FNDC3B: variants seen among roughly 807,000 people sequenced by gnomAD.
FNDC3B encodes fibronectin type III domain containing 3B, also known as fibronectin type III domain-containing protein 3B.
Under a neutral mutation model 151.5 loss-of-function variants are expected in FNDC3B, and 12 were observed. That is an observed-to-expected ratio of 0.08 (90% confidence interval 0.05 to 0.13). The LOEUF is 0.13. Ranked by LOEUF, FNDC3B falls within the 10% of genes least tolerant of loss-of-function variation. FNDC3B has a pLI of 1.00. For synonymous variants in FNDC3B, 528 were observed against 549.0 expected (o/e 0.96, Z 0.54); for missense variants, 1,214 against 1,505.3 (o/e 0.81, Z 3.20).
chr3:172,399,787 T>C lies in FNDC3B; in HGVS notation c.*2312T>C, dbSNP rs1736483204. ...TTGGGGGGTTGGGGAAGTCTCTTTT[T>C]TGAAACACTTCAGAACTGCTGCTAT... On this transcript the variant is annotated 3_prime_UTR_variant, in exon 26 of 26. Transcript: ENST00000415807. 2 of 152,648 alleles carry C rather than the reference T, an allele frequency of 1.3e-5. No homozygotes were observed. The highest frequency in any genetic ancestry group is 1.3e-4 in the Admixed American group (2 of 15,282). 9.5% of individuals were successfully genotyped at this position (152,648 alleles called of 1,614,324 possible).
chr3:172,271,955 T>C (rs2108804630), intron 6 of FNDC3B, among the ~76,000 whole-genome samples: 1 of 152,338 alleles, frequency 6.6e-6, no homozygotes, highest in Non-Finnish European at 1.5e-5. Context: ...TAAGATATGG[T>C]CTTGTTCTGG....
At chr3:172,185,650 G>A (rs1308098292) in intron 3 of FNDC3B, among the ~76,000 whole-genome samples, 2 of 152,212 alleles carry the variant, frequency 1.3e-5, no homozygotes, top group African/African-American at 4.8e-5. Context: ...TTTGCAATAT[G>A]TCATGATACC....
chr3:172,174,942 C>CCCCCCCCCCCA (rs1553769237), intron 3 of FNDC3B, among the ~76,000 whole-genome samples: 6 of 66,384 alleles, frequency 9.0e-5, no homozygotes, highest in Non-Finnish European at 1.6e-4. Context: ...CACCCCCCCC[C>CCCCCCCCCCCA]CCCCAATACA....
intron 7 of FNDC3B, among the ~76,000 whole-genome samples, chr3:172,289,550 C>T (rs976164677): frequency 2.0e-5 from 3 of 152,240 alleles, no homozygotes; most frequent in African/African-American, 7.2e-5. Context: ...GTTGTTTATG[C>T]AGTTTCTGTC....
In FNDC3B at chr3:172,277,511, C is replaced by A. The variant is rs544666187; in HGVS notation, c.791-8415C>A. On this transcript the variant is annotated intron_variant, in intron 6 of 25. Coordinates refer to ENST00000415807, the MANE Select transcript of FNDC3B (RefSeq NM_022763.4). ...TCATGACCTCATCTCATTCTAATTA[C>A]CTTCTAATGCCATCACTTTAGCGCG... is the stretch of plus-strand genomic sequence containing the variant. Among the ~76,000 whole-genome samples, 4 of 152,274 alleles carry A rather than the reference C, an allele frequency of 2.6e-5. No homozygotes were observed. The South Asian group carries it at 8.3e-4, about 32-fold the overall frequency.
chr3:172,120,572 G>C (rs1306016117), intron 2 of FNDC3B, among the ~76,000 whole-genome samples: 21 of 151,894 alleles, frequency 1.4e-4, no homozygotes, highest in Admixed American at 1.2e-3. Context: ...AGGCATGGGG[G>C]GGGGTGTGTG....
chr3:172,264,467 G>A (rs1272015866), intron 6 of FNDC3B, among the ~76,000 whole-genome samples: 1 of 152,054 alleles, frequency 6.6e-6, no homozygotes, highest in African/African-American at 2.4e-5. Flanking sequence ...CCAGAAATTA[G>A]GATTCTCATT....
In FNDC3B at chr3:172,389,636, C is replaced by T. The variant is rs907557417; in HGVS notation, c.3304-7528C>T. On this transcript the variant is annotated intron_variant, in intron 25 of 25. Coordinates refer to ENST00000415807, the MANE Select transcript of FNDC3B (RefSeq NM_022763.4). ...ATCCCAGCACTTTGGGAGCCTGAGG[C>T]GGGTGGATCACAAGGTCAAGAGATT... Among the ~76,000 whole-genome samples, 8 of 152,138 alleles carry T rather than the reference C, an allele frequency of 5.3e-5. No homozygotes were observed. The East Asian group carries it at 1.4e-3, about 26-fold the overall frequency.
intron 1 of FNDC3B, among the ~76,000 whole-genome samples, chr3:172,050,182 T>C (rs1357608833): frequency 6.6e-6 from 1 of 151,980 alleles, no homozygotes; most frequent in Non-Finnish European, 1.5e-5. Context: ...AGCCTAAACG[T>C]CGGATGAAAA....
chr3:172,109,404 G>A (rs1247245351), intron 1 of FNDC3B, among the ~76,000 whole-genome samples: 1 of 151,722 alleles, frequency 6.6e-6, no homozygotes, highest in Non-Finnish European at 1.5e-5. Flanking sequence ...CTGACCTCGT[G>A]ATCCGCCCGC....
chr3:172,354,889 C>G (rs73035166), intron 22 of FNDC3B, among the ~76,000 whole-genome samples: 5,948 of 147,404 alleles, frequency 0.04, 411 homozygotes, highest in African/African-American at 0.14. Flanking sequence ...TTTTTTTAAG[C>G]CTTCAGCAGT....
chr3:172,380,841 T>C, intron 24 of FNDC3B, 125 bp from the exon 25 acceptor site: 3 of 1,069,850 alleles, frequency 2.8e-6, no homozygotes, highest in East Asian at 2.5e-5. Flanking sequence ...GCAAATCAGC[T>C]CCTCTCTCAG....
chr3:172,334,766 C>T (rs1027678324), intron 14 of FNDC3B, among the ~76,000 whole-genome samples, 178 bp from the exon 15 acceptor site: 2 of 151,664 alleles, frequency 1.3e-5, no homozygotes, highest in Non-Finnish European at 2.9e-5. Context: ...TGTTAATAAC[C>T]AACTATACAG....
intron 2 of FNDC3B, among the ~76,000 whole-genome samples, chr3:172,129,054 G>A (rs989608200): frequency 6.6e-6 from 1 of 152,058 alleles, no homozygotes; most frequent in South Asian, 2.1e-4. Context: ...CTACAGCCTC[G>A]ACCTCCTGGG....
At chr3:172,291,190 A>G (rs976702464) in intron 7 of FNDC3B, among the ~76,000 whole-genome samples, 1 of 152,248 alleles carries the variant, frequency 6.6e-6, no homozygotes, top group African/African-American at 2.4e-5. Context: ...TAGCTACAGG[A>G]CAATGCGGTT....
chr3:172,177,162 GA>G (rs2108645635), intron 3 of FNDC3B, among the ~76,000 whole-genome samples: 1 of 137,156 alleles, frequency 7.3e-6, no homozygotes, highest in South Asian at 2.3e-4. Flanking sequence ...ATTCTACAAG[GA>G]AATACACATA....
intron 11 of FNDC3B, among the ~76,000 whole-genome samples, chr3:172,326,045 C>A (rs188774478): frequency 6.6e-6 from 1 of 152,088 alleles, no homozygotes; most frequent in African/African-American, 2.4e-5. Context: ...AGGCTGGTTT[C>A]GAACTCCTGA....
At chr3:172,167,898 A>G (rs1043450199) in intron 3 of FNDC3B, among the ~76,000 whole-genome samples, 1 of 152,238 alleles carries the variant, frequency 6.6e-6, no homozygotes, top group Non-Finnish European at 1.5e-5. Context: ...ACCGCATCAC[A>G]TCCATGGGAC....
At chr3:172,147,514 G>A (rs1721977205) in intron 3 of FNDC3B, among the ~76,000 whole-genome samples, 1 of 152,034 alleles carries the variant, frequency 6.6e-6, no homozygotes, top group Non-Finnish European at 1.5e-5. Flanking sequence ...GACTTGGGTG[G>A]GTGGTCCCTA....
Sources: gnomAD v4.1 joint callset for allele counts (sites outside exome capture counted in the v4.1 genomes callset) on GRCh38, gnomAD v4.1.1 for gene constraint, MANE v1.5 for transcripts, NCBI Gene and HGNC (gene_info 2026-07-23, HGNC 2026-07-21) for gene names.